The following TRIM71 variants were observed in gnomAD, a reference collection of about 807,000 sequenced individuals.
The protein encoded by TRIM71 is tripartite motif containing 71, also known as E3 ubiquitin-protein ligase TRIM71.
TRIM71 carries 9 observed loss-of-function variants against 61.2 expected under a neutral mutation model. The ratio of observed to expected loss-of-function variants is 0.15; its 90% CI spans 0.09 to 0.26. The LOEUF (loss-of-function observed/expected upper bound fraction) is 0.26. Ranked by LOEUF, TRIM71 falls within the 10% of genes least tolerant of loss-of-function variation. TRIM71 has a pLI of 1.00. For synonymous variants in TRIM71, 645 were observed against 553.2 expected (o/e 1.17, Z -2.33); for missense variants, 998 against 1,238.7 (o/e 0.81, Z 2.92).
At chr3:32,827,268 C>CTTTTTTTTTTTTTTTTTT (rs369755706) in intron 1 of TRIM71, among the ~76,000 whole-genome samples, 7 of 129,676 alleles carry the variant, frequency 5.4e-5, no homozygotes, top group Non-Finnish European at 1.0e-4. Flanking sequence ...GGGGATAATT[C>CTTTTTTTTTTTTTTTTTT]TTTTTTTTTT....
chr3:32,894,261 A>G lies in TRIM71; in HGVS notation c.*2450A>G, dbSNP rs1181672928. On this transcript the variant is annotated 3_prime_UTR_variant, in exon 4 of 4. Transcript: ENST00000383763. ...GATGGATCTTGATTAAAATCTTTTC[A>G]TCATCATTTTCATTCTGCTCTTTTC... The G allele has an allele frequency of 6.6e-6, 1 of 152,150 alleles. No homozygotes were observed. Among genetic ancestry groups the G allele is most frequent in the Non-Finnish European group, 1.5e-5 (1 of 68,024 alleles). The allele number at this position is 152,150 out of a possible 1,614,324, so 9.4% of individuals were successfully genotyped here.
At chr3:32,819,194 T>G (rs1330135795) in intron 1 of TRIM71, among the ~76,000 whole-genome samples, 5 of 152,236 alleles carry the variant, frequency 3.3e-5, no homozygotes, top group African/African-American at 1.2e-4. Context: ...AATTTCTGTG[T>G]GGCAAAACGC....
At chr3:32,866,215 C>G (rs141819749) in intron 1 of TRIM71, among the ~76,000 whole-genome samples, 1 of 151,552 alleles carries the variant, frequency 6.6e-6, no homozygotes, top group African/African-American at 2.4e-5. Flanking sequence ...GGATTACAGG[C>G]GTGAACCACT....
At chr3:32,841,572 T>C (rs1210198253) in intron 1 of TRIM71, among the ~76,000 whole-genome samples, 2 of 151,716 alleles carry the variant, frequency 1.3e-5, no homozygotes, top group African/African-American at 2.4e-5. Flanking sequence ...TACGCCACTG[T>C]ACTTCACTGC....
intron 2 of TRIM71, among the ~76,000 whole-genome samples, chr3:32,879,679 A>G (rs1247769513): frequency 2.0e-5 from 3 of 152,042 alleles, no homozygotes; most frequent in Admixed American, 1.3e-4. Context: ...TCTTAAAAAA[A>G]AAAAAAAAAC....
chr3:32,825,541 T>C (rs984222356), intron 1 of TRIM71, among the ~76,000 whole-genome samples: 2 of 152,194 alleles, frequency 1.3e-5, no homozygotes, highest in Admixed American at 6.5e-5. Context: ...GTGTCATTTT[T>C]GACAGGCAAA....
In TRIM71 at chr3:32,891,868, C is replaced by CTTT; in HGVS notation, c.*58_*59insTTT. On this transcript the variant is annotated 3_prime_UTR_variant, in exon 4 of 4. Transcript: ENST00000383763. This position sits in a 1 kb window ranked among gnomAD's most constrained non-coding sequence, Gnocchi z 8.2. ...TGTGTGCGTGTCTCTCTCTCTCTCT[C>CTTT]TCTCTTTCTCTTTCTCTCTCTTTTT... is the stretch of plus-strand genomic sequence containing the variant. The CTTT allele has an allele frequency of 6.8e-7, 1 of 1,477,084 alleles. No homozygotes were observed. The allele number at this position is 1,477,084 out of a possible 1,614,324, so 91.5% of individuals were successfully genotyped here.
At chr3:32,847,680 T>C (rs1696491149) in intron 1 of TRIM71, among the ~76,000 whole-genome samples, 1 of 152,236 alleles carries the variant, frequency 6.6e-6, no homozygotes, top group Non-Finnish European at 1.5e-5. Flanking sequence ...CTCAGCTTTG[T>C]GCTCAGTTAA....
At chr3:32,839,460 G>C (rs1696377987) in intron 1 of TRIM71, among the ~76,000 whole-genome samples, 1 of 151,956 alleles carries the variant, frequency 6.6e-6, no homozygotes, top group Admixed American at 6.5e-5. Flanking sequence ...TCGAACTCCT[G>C]ACCTCATGAT....
chr3:32,866,481 A>G (rs921800078), intron 1 of TRIM71, among the ~76,000 whole-genome samples: 1 of 149,278 alleles, frequency 6.7e-6, no homozygotes, highest in Non-Finnish European at 1.5e-5. Context: ...CCCTCTTCGC[A>G]CTCCCAAAGT....
intron 1 of TRIM71, among the ~76,000 whole-genome samples, chr3:32,843,366 G>C (rs536433327): frequency 1.3e-5 from 2 of 152,218 alleles, no homozygotes; most frequent in South Asian, 4.2e-4. Flanking sequence ...GAGTTCTAAG[G>C]CATAGCAGTA....
chr3:32,897,366 C>G lies in TRIM71; in HGVS notation c.*5555C>G, dbSNP rs756026643. ...GCAGAAACCACACTGCAAGCCTGTC[C>G]GGGGTGGGGTGCTGACTGCCATTTG... is the stretch of plus-strand genomic sequence containing the variant. On this transcript the variant is annotated 3_prime_UTR_variant, in exon 4 of 4. Transcript: ENST00000383763. 6 of 152,076 alleles carry G rather than the reference C, an allele frequency of 3.9e-5. No homozygotes were observed. The highest frequency in any genetic ancestry group is 7.4e-5 in the Non-Finnish European group (5 of 68,014). The allele number at this position is 152,076 out of a possible 1,614,324, so 9.4% of individuals were successfully genotyped here.
Position 32,818,338 on chromosome 3 carries a change from G to A in TRIM71, c.258G>A (p.Pro86=), listed in dbSNP as rs1194335601. The A allele has an allele frequency of 1.4e-6, 2 of 1,449,796 alleles. No individual in the cohort carries two copies. The highest frequency in any genetic ancestry group is 9.0e-7 in the Non-Finnish European group (1 of 1,105,790). The allele number at this position is 1,449,796 out of a possible 1,614,324, so 89.8% of individuals were successfully genotyped here. Reference sequence around the variant, plus strand: ...CGGGCGGCGGCGCGGCGGGAGAGCCGCTCAAGCTGCGCTGCCCCGTGTGCG... The same window carrying A: ...CGGGCGGCGGCGCGGCGGGAGAGCCACTCAAGCTGCGCTGCCCCGTGTGCG... The part of the protein sequence containing the change: ...PAAGGGAAGE[P]LKLRCPVCDQ... Residue 86 remains proline (P), a synonymous_variant, in exon 1 of 4, where the codon CCG becomes CCA. Transcript: ENST00000383763.
rs755320784 is a variant in TRIM71, at chr3:32,818,065, C to G, written c.-16C>G. 3.1e-6 allele frequency: 5 copies of G among 1,609,768 alleles called. No homozygotes were observed. Among genetic ancestry groups the G allele is most frequent in the Non-Finnish European group, 3.4e-6 (4 of 1,177,538 alleles). On this transcript the variant is annotated 5_prime_UTR_variant, in exon 1 of 4. Transcript: ENST00000383763. ...CTTCCTCTCTGGTCTCCTCCCTCCTCCGGGCTGGGTTGCAAATGGCTTCGT... is the reference window on the plus strand; with the variant it reads ...CTTCCTCTCTGGTCTCCTCCCTCCTGCGGGCTGGGTTGCAAATGGCTTCGT...
intron 2 of TRIM71, among the ~76,000 whole-genome samples, chr3:32,878,065 G>T (rs1343699234): frequency 1.3e-5 from 2 of 152,192 alleles, no homozygotes; most frequent in African/African-American, 2.4e-5. Context: ...TCCATCAGAG[G>T]AATCACTATC....
intron 3 of TRIM71, among the ~76,000 whole-genome samples, chr3:32,889,699 CCCA>C (rs1251840266): frequency 6.6e-6 from 1 of 151,672 alleles, no homozygotes; most frequent in Non-Finnish European, 1.5e-5. Context: ...AGCGATTCTC[CCCA>C]CATCAGCTTC....
rs141033793 is a variant in TRIM71, at chr3:32,885,660, G to C, written c.1021-274G>C. Among the ~76,000 whole-genome samples the C allele has an allele frequency of 2.5e-3, 382 of 152,330 alleles. 1 individual carries two copies. Among genetic ancestry groups the C allele is most frequent in the African/African-American group, 8.6e-3 (359 of 41,572 alleles). On this transcript the variant is annotated intron_variant, in intron 2 of 3. Coordinates refer to ENST00000383763, the MANE Select transcript of TRIM71 (RefSeq NM_001039111.3). ...GTCACCCAGCTACACTGGTTTTGCTGTGTCAGAGTATCTCTTAATAGTTCT... is the reference window on the plus strand; with the variant it reads ...GTCACCCAGCTACACTGGTTTTGCTCTGTCAGAGTATCTCTTAATAGTTCT...
Position 32,895,876 on chromosome 3 carries a change from A to T in TRIM71, c.*4065A>T, listed in dbSNP as rs1182647063. On this transcript the variant is annotated 3_prime_UTR_variant, in exon 4 of 4. Coordinates refer to ENST00000383763, the MANE Select transcript of TRIM71 (RefSeq NM_001039111.3). ...TGTTAGCATCTGACAGGTCTCAAAA[A>T]GAATAGTATTAATCCAGTGGGCAGT... 1.3e-5 allele frequency: 2 copies of T among 152,526 alleles called. No individual in the cohort carries two copies. Among genetic ancestry groups the T allele is most frequent in the African/African-American group, 4.8e-5 (2 of 41,472 alleles). 9.4% of individuals were successfully genotyped at this position (152,526 alleles called of 1,614,324 possible). A position where few individuals can be genotyped will look rare whatever the true frequency, so the allele number is the denominator to read the frequency against.
chr3:32,881,480 T>C (rs1014808491), intron 2 of TRIM71, among the ~76,000 whole-genome samples: 3 of 152,188 alleles, frequency 2.0e-5, no homozygotes, highest in Non-Finnish European at 4.4e-5. Context: ...CTATATTCTT[T>C]CCCTTGAGAG....
Sources: gnomAD v4.1 joint callset for allele counts (sites outside exome capture counted in the v4.1 genomes callset) on GRCh38, gnomAD v4.1.1 for gene constraint, Gnocchi (gnomAD v3.1) non-coding constraint, MANE v1.5 for transcripts, NCBI Gene and HGNC (gene_info 2026-07-23, HGNC 2026-07-21) for gene names.